The following CDH18 variants were observed in gnomAD, a reference collection of about 807,000 sequenced individuals.
CDH18 encodes cadherin-18.
In CDH18, 31 loss-of-function variants were observed where a neutral mutation model predicts 67.9. The observed-to-expected ratio is 0.46, with a 90% CI of 0.34 to 0.62. CDH18 has a LOEUF of 0.62. Among genes scored for constraint, CDH18 ranks in the 20% least tolerant of loss-of-function variants. The pLI is 0.01. For missense variants in CDH18, 890 were observed against 975.5 expected (o/e 0.91, Z 1.17); for synonymous variants, 362 against 347.2 (o/e 1.04, Z -0.48).
intron 12 of CDH18, among the ~76,000 whole-genome samples, 172 bp downstream of exon 12, chr5:19,483,129 T>C (rs1249879120): frequency 1.3e-5 from 2 of 152,236 alleles, no homozygotes; most frequent in Non-Finnish European, 2.9e-5. Flanking sequence ...CCAACATATT[T>C]GAATCTAACT....
chr5:20,513,797 T>C (rs986709914), intron 1 of CDH18, among the ~76,000 whole-genome samples: 6 of 152,174 alleles, frequency 3.9e-5, no homozygotes, highest in Admixed American at 6.5e-5. Context: ...GAATGTTTTA[T>C]ATGTCTTTTA....
intron 1 of CDH18, among the ~76,000 whole-genome samples, chr5:20,266,936 T>C (rs1200627166): frequency 2.6e-5 from 4 of 152,094 alleles, no homozygotes; most frequent in African/African-American, 4.8e-5. Flanking sequence ...ATGCATAATA[T>C]GTTCATTTTG....
chr5:20,568,202 T>C (rs556440067), intron 1 of CDH18, among the ~76,000 whole-genome samples: 36 of 152,262 alleles, frequency 2.4e-4, no homozygotes, highest in Non-Finnish European at 4.3e-4. Flanking sequence ...CAACTTAACC[T>C]AGTGTTAAAG....
intron 3 of CDH18, among the ~76,000 whole-genome samples, chr5:19,772,983 G>A (rs955070493): frequency 1.3e-5 from 2 of 152,006 alleles, no homozygotes; most frequent in Non-Finnish European, 1.5e-5. Flanking sequence ...TTAAGAGCTG[G>A]TGAATTATTG....
intron 1 of CDH18, among the ~76,000 whole-genome samples, chr5:20,444,285 A>G (rs1233342515): frequency 6.6e-6 from 1 of 152,232 alleles, no homozygotes; most frequent in East Asian, 1.9e-4. Context: ...GAATTACTTT[A>G]GCTGTTTAAA....
intron 1 of CDH18, among the ~76,000 whole-genome samples, chr5:20,471,764 T>TGAACTCCA (rs1554005490): frequency 5.9e-5 from 8 of 136,032 alleles, no homozygotes; most frequent in Non-Finnish European, 1.2e-4. Context: ...ATCACGCCAC[T>TGAACTCCA]GCACTCCAGC....
intron 5 of CDH18, among the ~76,000 whole-genome samples, chr5:19,683,094 A>T (rs555340772): frequency 1.5e-4 from 17 of 110,882 alleles, no homozygotes; most frequent in Middle Eastern, 6.3e-3. Context: ...TTCAAAGTTC[A>T]ACATATAACT....
chr5:20,526,050 T>G (rs1756034081), intron 1 of CDH18, among the ~76,000 whole-genome samples: 1 of 151,434 alleles, frequency 6.6e-6, no homozygotes, highest in Non-Finnish European at 1.5e-5. Context: ...CTTCTGCCAG[T>G]GCAAGGGAGG....
chr5:20,167,923 G>A (rs1736417570), intron 2 of CDH18, among the ~76,000 whole-genome samples: 1 of 152,212 alleles, frequency 6.6e-6, no homozygotes. Flanking sequence ...ATGCGGGTTA[G>A]CTTCGTGGAC....
At chr5:20,160,349 C>A (rs558807878) in intron 2 of CDH18, among the ~76,000 whole-genome samples, 2 of 152,240 alleles carry the variant, frequency 1.3e-5, no homozygotes, top group South Asian at 4.1e-4. Flanking sequence ...GAAAATTGAA[C>A]CATCATGAGC....
At chr5:20,334,538 A>G (rs2150032077) in intron 1 of CDH18, among the ~76,000 whole-genome samples, 1 of 152,254 alleles carries the variant, frequency 6.6e-6, no homozygotes, top group African/African-American at 2.4e-5. Context: ...TTGAAGACTA[A>G]TGTCAATCAG....
intron 4 of CDH18, among the ~76,000 whole-genome samples, chr5:19,729,723 A>G (rs1434960139): frequency 6.6e-6 from 1 of 152,190 alleles, no homozygotes; most frequent in East Asian, 1.9e-4. Context: ...AATGCTCATA[A>G]TTCTCTTCAT....
chr5:19,731,131 T>C (rs1009378335), intron 4 of CDH18, among the ~76,000 whole-genome samples: 1 of 152,128 alleles, frequency 6.6e-6, no homozygotes, highest in Non-Finnish European at 1.5e-5. Flanking sequence ...TTTCATCATA[T>C]AGGCACTTCT....
chr5:20,103,000 C>T (rs923150890), intron 2 of CDH18, among the ~76,000 whole-genome samples: 15 of 152,280 alleles, frequency 9.9e-5, no homozygotes, highest in African/African-American at 3.4e-4. Flanking sequence ...TGTCTAAGAA[C>T]TGTTTCAATG....
At chr5:19,701,590 C>T (rs944174580) in intron 5 of CDH18, among the ~76,000 whole-genome samples, 5 of 152,058 alleles carry the variant, frequency 3.3e-5, no homozygotes, top group Non-Finnish European at 5.9e-5. Flanking sequence ...TCTGGTTCCC[C>T]CGAAGTCCTG....
At chr5:20,295,024 C>A (rs7725890) in intron 1 of CDH18, among the ~76,000 whole-genome samples, 17,090 of 151,912 alleles carry the variant, frequency 0.11, 1,399 homozygotes, top group African/African-American at 0.22. Flanking sequence ...ATTAATCAGA[C>A]AAGTATAATT....
chr5:19,516,042 A>G (rs1239547835), intron 10 of CDH18, among the ~76,000 whole-genome samples: 1 of 152,082 alleles, frequency 6.6e-6, no homozygotes, highest in Non-Finnish European at 1.5e-5. Context: ...TAGTTTATTG[A>G]GAGTTTTTTA....
intron 2 of CDH18, among the ~76,000 whole-genome samples, chr5:20,155,071 A>T (rs1290078274): frequency 6.6e-6 from 1 of 152,104 alleles, no homozygotes; most frequent in African/African-American, 2.4e-5. Flanking sequence ...TAAGAAAAAA[A>T]TTTTACTTAC....
chr5:20,196,225 T>C (rs927568782), intron 2 of CDH18, among the ~76,000 whole-genome samples: 1 of 152,214 alleles, frequency 6.6e-6, no homozygotes, highest in African/African-American at 2.4e-5. Flanking sequence ...TCCCAGAATA[T>C]ATTGTCATAA....
Sources: allele counts gnomAD v4.1 joint callset (sites outside exome capture counted in the v4.1 genomes callset), GRCh38; gene constraint gnomAD v4.1.1; transcripts MANE v1.5; gene names NCBI Gene and HGNC (gene_info 2026-07-23, HGNC 2026-07-21).